CERKL: variants seen among roughly 807,000 people sequenced by gnomAD.
The protein encoded by CERKL is CERK like autophagy regulator, also known as ceramide kinase-like protein.
In CERKL, 61 loss-of-function variants were observed where a neutral mutation model predicts 63.4. That is an observed-to-expected ratio of 0.96 (90% confidence interval 0.78 to 1.19). CERKL has a LOEUF of 1.19. Ranked by LOEUF, CERKL falls within the 50% of genes most tolerant of loss-of-function variation. The pLI, the probability that CERKL is intolerant of heterozygous loss-of-function variation, is 0.00. For missense variants in CERKL, 675 were observed against 655.5 expected (o/e 1.03, Z -0.33); for synonymous variants, 250 against 230.5 (o/e 1.08, Z -0.77).
At chr2:181,591,634 C>A (rs746947459) in intron 2 of CERKL, among the ~76,000 whole-genome samples, 5 of 152,086 alleles carry the variant, frequency 3.3e-5, no homozygotes, top group Non-Finnish European at 7.4e-5. Context: ...TACGATTGGG[C>A]AAATGGGCAC....
rs139270710 is a variant in CERKL, at chr2:181,548,841, G to A, written c.912C>T (p.Val304=). ...CAGCGGTGCTGAAGGTGCAGACGTC[G>A]ACCAGCTGTACATGCCCTTGAATAT... ...LHIIMGHVQL[V]DVCTFSTAGK... Residue 304 remains valine (V), a synonymous_variant, in exon 7 of 13, where the codon GTC becomes GTT. Transcript: ENST00000410087. The A allele has an allele frequency of 4.3e-6, 7 of 1,613,734 alleles. No homozygotes were observed. The highest frequency in any genetic ancestry group is 1.6e-4 in the Middle Eastern group (1 of 6,084).
chr2:181,537,764 CTAAAAACAGAATTTGAATTGATATT>C lies in CERKL; in HGVS notation c.*395_*419del, dbSNP rs1559064699. 4 of 449,058 alleles carry C rather than the reference CTAAAAACAGAATTTGAATTGATATT, an allele frequency of 8.9e-6. No homozygotes were observed. Among genetic ancestry groups the C allele is most frequent in the African/African-American group, 2.0e-5 (1 of 49,752 alleles). The allele number at this position is 449,058 out of a possible 1,614,324, so 27.8% of individuals were successfully genotyped here. On this transcript the variant is annotated 3_prime_UTR_variant, in exon 13 of 13. Coordinates refer to ENST00000410087, the MANE Select transcript of CERKL (RefSeq NM_201548.5). ...TAAAAAAAAGAATTTGAATTGATAT[CTAAAAACAGAATTTGAATTGATATT>C]TCATCTTGACTTTTAAAGCCCTAGA...
At position 181,537,833 on chromosome 2, in the gene CERKL, T is replaced by C. The variant is rs1363071582; in HGVS notation, c.*351A>G. On this transcript the variant is annotated 3_prime_UTR_variant, in exon 13 of 13. Coordinates refer to ENST00000410087, the MANE Select transcript of CERKL (RefSeq NM_201548.5). ...CCCTAGAGGCTAATTGTTAGTAACATCAATTTCTATTAGGATATCCGTTTG... is the reference window on the plus strand; with the variant it reads ...CCCTAGAGGCTAATTGTTAGTAACACCAATTTCTATTAGGATATCCGTTTG... The C allele has an allele frequency of 2.1e-6, 1 of 485,742 alleles. No homozygotes were observed. The highest frequency in any genetic ancestry group is 1.9e-5 in the African/African-American group (1 of 51,528). The allele number at this position is 485,742 out of a possible 1,614,324, so 30.1% of individuals were successfully genotyped here.
At chr2:181,648,116 T>C (rs1687744571) in intron 1 of CERKL, among the ~76,000 whole-genome samples, 1 of 152,088 alleles carries the variant, frequency 6.6e-6, no homozygotes, top group Non-Finnish European at 1.5e-5. Context: ...ACCTATTTAA[T>C]GAAATAATAG....
intron 3 of CERKL, among the ~76,000 whole-genome samples, chr2:181,567,124 T>C (rs570364997): frequency 6.6e-6 from 1 of 152,130 alleles, no homozygotes; most frequent in African/African-American, 2.4e-5. Flanking sequence ...CATAGCTTAT[T>C]CAAAATGCCA....
intron 5 of CERKL, among the ~76,000 whole-genome samples, chr2:181,552,165 G>GA (rs1688014858): frequency 6.6e-6 from 1 of 152,240 alleles, no homozygotes; most frequent in South Asian, 2.1e-4. Context: ...AAGGACTGGG[G>GA]AGATACTGGT....
intron 2 of CERKL, among the ~76,000 whole-genome samples, chr2:181,580,572 C>T (rs1684460305): frequency 1.3e-5 from 2 of 152,104 alleles, no homozygotes; most frequent in Admixed American, 6.5e-5. Context: ...AAAGGACATT[C>T]CTGTCAGTTC....
chr2:181,551,588 A>T (rs1451118506), intron 5 of CERKL, among the ~76,000 whole-genome samples: 1 of 152,178 alleles, frequency 6.6e-6, no homozygotes, highest in Non-Finnish European at 1.5e-5. Context: ...TCATCAGAGA[A>T]ATGCAAATCA....
At chr2:181,620,513 A>C (rs963594050) in intron 1 of CERKL, among the ~76,000 whole-genome samples, 12 of 152,360 alleles carry the variant, frequency 7.9e-5, no homozygotes, top group African/African-American at 2.9e-4. Context: ...ACAAAAAAGT[A>C]TTCAGAACAA....
At chr2:181,600,202 G>A (rs1380885744) in intron 2 of CERKL, among the ~76,000 whole-genome samples, 1 of 152,146 alleles carries the variant, frequency 6.6e-6, no homozygotes, top group East Asian at 1.9e-4. Context: ...AATACTCCAA[G>A]GAGTTCTAAA....
At chr2:181,622,942 C>T (rs935418588) in intron 1 of CERKL, among the ~76,000 whole-genome samples, 3 of 152,180 alleles carry the variant, frequency 2.0e-5, no homozygotes, top group African/African-American at 4.8e-5. Flanking sequence ...AATTCCTGCT[C>T]ATGCCTAACT....
At chr2:181,594,338 G>A (rs999329184) in intron 2 of CERKL, among the ~76,000 whole-genome samples, 7 of 152,266 alleles carry the variant, frequency 4.6e-5, no homozygotes, top group Middle Eastern at 3.4e-3. Context: ...GCAGTGCCAG[G>A]AACATATAAA....
intron 5 of CERKL, among the ~76,000 whole-genome samples, chr2:181,557,233 T>C (rs1011822382): frequency 4.5e-4 from 68 of 152,180 alleles, no homozygotes; most frequent in Non-Finnish European, 9.6e-4. Context: ...GTGCAGAAGC[T>C]CTTGAGTTTA....
chr2:181,656,749 G>A lies in CERKL; in HGVS notation c.238+20C>T, dbSNP rs201013451. The A allele has an allele frequency of 5.6e-5, 88 of 1,570,556 alleles. No individual in the cohort carries two copies. Among genetic ancestry groups the A allele is most frequent in the East Asian group, 2.3e-4 (10 of 42,818 alleles). On this transcript the variant is annotated intron_variant, in intron 1 of 12. Coordinates refer to ENST00000410087, the MANE Select transcript of CERKL (RefSeq NM_201548.5). ...AGGAAGCGCGGAGGGAGGCGAAGAC[G>A]CTTGGGGCCGGGCACTCACCCGCCG...
intron 1 of CERKL, among the ~76,000 whole-genome samples, chr2:181,640,170 T>A (rs764241506): frequency 1.8e-4 from 27 of 152,202 alleles, no homozygotes; most frequent in Non-Finnish European, 1.3e-4. Flanking sequence ...TTCCTCATAT[T>A]CTGGTTTGCA....
chr2:181,600,183 C>G (rs547960458), intron 2 of CERKL, among the ~76,000 whole-genome samples: 44 of 152,270 alleles, frequency 2.9e-4, no homozygotes, highest in African/African-American at 1.0e-3. Context: ...CCACACCTGC[C>G]ATACAAGAAA....
rs1420686998 is a variant in CERKL, at chr2:181,568,949, A to G, written c.614-2828T>C. On this transcript the variant is annotated intron_variant, in intron 3 of 12. Transcript: ENST00000410087. The stretch of plus-strand genomic sequence containing the variant: ...GTATAATGCAAATATTCCAAAAGCT[A>G]AAAACATCCTAAATCTGTAACAGTT... Among the ~76,000 whole-genome samples, 4 of 151,956 alleles carry G rather than the reference A, an allele frequency of 2.6e-5. No individual in the cohort carries two copies. In the South Asian group the frequency reaches 8.3e-4, roughly 32 times the overall value.
chr2:181,625,732 C>A (rs990173395), intron 1 of CERKL, among the ~76,000 whole-genome samples: 5 of 152,084 alleles, frequency 3.3e-5, no homozygotes, highest in Non-Finnish European at 7.4e-5. Context: ...ACGGGTCATT[C>A]CTAAAACAAG....
Position 181,656,960 on chromosome 2 carries a change from C to A in CERKL, c.47G>T (p.Gly16Val), listed in dbSNP as rs1194713580. The change falls in exon 1 of 13, where the codon GGC becomes GTC. Residue 16 changes from glycine to valine, a missense_variant. Coordinates refer to ENST00000410087, the MANE Select transcript of CERKL (RefSeq NM_201548.5). ...RRNRVSALEG[G>V]REEEAPPEAA... ...CTCCGGGGGCGCCTCTTCCTCCCGG[C>A]CGCCCTCCAGGGCACTCACCCGGTT... is the stretch of plus-strand genomic sequence containing the variant. 1 of 1,582,160 alleles carries A rather than the reference C, an allele frequency of 6.3e-7. No homozygotes were observed. The highest frequency in any genetic ancestry group is 1.7e-5 in the Admixed American group (1 of 58,980).
Sources: allele counts gnomAD v4.1 joint callset (sites outside exome capture counted in the v4.1 genomes callset), GRCh38; gene constraint gnomAD v4.1.1; transcripts MANE v1.5; gene names NCBI Gene and HGNC (gene_info 2026-07-23, HGNC 2026-07-21).